The following SPAG16 variants were observed in gnomAD, a reference collection of about 807,000 sequenced individuals.
SPAG16 encodes sperm-associated antigen 16 protein.
SPAG16 carries 86 observed loss-of-function variants against 80.4 expected under a neutral mutation model. That is an observed-to-expected ratio of 1.07 (90% CI 0.90 to 1.28). The LOEUF is 1.28. Ranked by LOEUF, SPAG16 falls within the 50% of genes most tolerant of loss-of-function variation. The pLI is 0.00. For synonymous variants in SPAG16, 294 were observed against 265.9 expected (o/e 1.11, Z -1.03); for missense variants, 870 against 765.3 (o/e 1.14, Z -1.61).
intron 10 of SPAG16, among the ~76,000 whole-genome samples, chr2:213,687,973 C>A (rs1405505617): frequency 6.6e-6 from 1 of 152,136 alleles, no homozygotes; most frequent in Non-Finnish European, 1.5e-5. Flanking sequence ...TCAGGAGGAA[C>A]TGAGGACATG....
intron 15 of SPAG16, among the ~76,000 whole-genome samples, chr2:214,291,567 A>T (rs2125931783): frequency 6.6e-6 from 1 of 151,910 alleles, no homozygotes; most frequent in South Asian, 2.1e-4. Context: ...GGCCTCCCAA[A>T]GTGCTGGGAT....
At chr2:214,340,208 A>G (rs1697576216) in intron 15 of SPAG16, among the ~76,000 whole-genome samples, 1 of 152,162 alleles carries the variant, frequency 6.6e-6, no homozygotes, top group South Asian at 2.1e-4. Flanking sequence ...TTCTTTGACG[A>G]TAGACCCACA....
At chr2:213,532,134 A>G (rs1342050898) in intron 10 of SPAG16, among the ~76,000 whole-genome samples, 4 of 152,188 alleles carry the variant, frequency 2.6e-5, no homozygotes, top group African/African-American at 9.7e-5. Context: ...TTTAGAGGAC[A>G]TTTATGGAGA....
chr2:213,840,485 G>A (rs190063741), intron 10 of SPAG16, among the ~76,000 whole-genome samples: 1 of 152,194 alleles, frequency 6.6e-6, no homozygotes, highest in East Asian at 1.9e-4. Context: ...CAAAATATTT[G>A]TTAAACTTTG....
At chr2:213,804,814 G>A (rs1377876271) in intron 10 of SPAG16, among the ~76,000 whole-genome samples, 1 of 152,216 alleles carries the variant, frequency 6.6e-6, no homozygotes, top group Non-Finnish European at 1.5e-5. Context: ...GGATGTGCCT[G>A]AAAGGAGAGA....
intron 10 of SPAG16, among the ~76,000 whole-genome samples, chr2:213,755,340 T>C (rs931645177): frequency 1.3e-5 from 2 of 152,218 alleles, no homozygotes; most frequent in South Asian, 4.1e-4. Flanking sequence ...TTGACTGATA[T>C]CATGTTATAT....
In SPAG16 at chr2:214,293,141, T is replaced by C. The variant is rs565314122; in HGVS notation, c.1721-116999T>C. 1.7e-3 allele frequency among the ~76,000 whole-genome samples: 265 copies of C among 152,326 alleles called. 2 individuals carry two copies. The highest frequency in any genetic ancestry group is 5.7e-3 in the African/African-American group (238 of 41,564). The stretch of plus-strand genomic sequence containing the variant: ...GCAGGCCAATTCTTGGGCCCCCAGA[T>C]GGCTTTCTCAGATGCCAGTAGTGGC... On this transcript the variant is annotated intron_variant, in intron 15 of 15. Coordinates refer to ENST00000331683, the MANE Select transcript of SPAG16 (RefSeq NM_024532.5).
chr2:213,493,661 C>T (rs1223087832), intron 10 of SPAG16, among the ~76,000 whole-genome samples: 3 of 151,426 alleles, frequency 2.0e-5, no homozygotes, highest in African/African-American at 4.9e-5. Context: ...CTGCAGACTC[C>T]GATTCCCAGG....
At chr2:213,831,955 T>C (rs2125719052) in intron 10 of SPAG16, among the ~76,000 whole-genome samples, 1 of 152,226 alleles carries the variant, frequency 6.6e-6, no homozygotes, top group South Asian at 2.1e-4. Flanking sequence ...CACTGGGCTA[T>C]ATTGCCTCTG....
At chr2:214,185,850 G>T (rs547074622) in intron 15 of SPAG16, among the ~76,000 whole-genome samples, 1 of 152,210 alleles carries the variant, frequency 6.6e-6, no homozygotes, top group African/African-American at 2.4e-5. Context: ...AACAAGATAT[G>T]CCCTTTTAGC....
At chr2:213,866,916 G>A (rs1407167710) in intron 11 of SPAG16, among the ~76,000 whole-genome samples, 1 of 152,058 alleles carries the variant, frequency 6.6e-6, no homozygotes, top group Non-Finnish European at 1.5e-5. Context: ...AAATGAATGT[G>A]GAAATCCTTT....
At chr2:214,164,567 G>T (rs997918498) in intron 15 of SPAG16, among the ~76,000 whole-genome samples, 1 of 152,124 alleles carries the variant, frequency 6.6e-6, no homozygotes, top group South Asian at 2.1e-4. Flanking sequence ...ATTATGGATG[G>T]TCTTGACTGT....
At chr2:213,677,900 G>C (rs1290776989) in intron 10 of SPAG16, among the ~76,000 whole-genome samples, 1 of 152,010 alleles carries the variant, frequency 6.6e-6, no homozygotes, top group East Asian at 1.9e-4. Flanking sequence ...TAAAAGAACA[G>C]AAATTATAAC....
chr2:213,511,206 A>G (rs2075212314), intron 10 of SPAG16, among the ~76,000 whole-genome samples: 1 of 152,130 alleles, frequency 6.6e-6, no homozygotes, highest in Non-Finnish European at 1.5e-5. Context: ...TTGGCAGAAT[A>G]TTTTTATATG....
chr2:213,860,210 C>G (rs902736178), intron 10 of SPAG16, among the ~76,000 whole-genome samples: 1 of 151,854 alleles, frequency 6.6e-6, no homozygotes, highest in Admixed American at 6.6e-5. Context: ...TAATTCAAAA[C>G]CAGGTATTTA....
intron 6 of SPAG16, among the ~76,000 whole-genome samples, chr2:213,349,651 C>T (rs953934579): frequency 6.6e-6 from 1 of 152,084 alleles, no homozygotes; most frequent in South Asian, 2.1e-4. Context: ...CTCAAGTTTT[C>T]ATCAGCAAAA....
At chr2:213,678,169 A>G (rs1448833883) in intron 10 of SPAG16, among the ~76,000 whole-genome samples, 1 of 152,200 alleles carries the variant, frequency 6.6e-6, no homozygotes, top group Non-Finnish European at 1.5e-5. Flanking sequence ...GAAAGCAGGA[A>G]AGATGCAAAA....
At chr2:214,233,449 C>G (rs1171335577) in intron 15 of SPAG16, among the ~76,000 whole-genome samples, 2 of 151,792 alleles carry the variant, frequency 1.3e-5, no homozygotes, top group Non-Finnish European at 2.9e-5. Flanking sequence ...ATCAATAAAA[C>G]TAGGATATTT....
intron 9 of SPAG16, among the ~76,000 whole-genome samples, chr2:213,469,010 C>G (rs2072916717): frequency 6.6e-6 from 1 of 152,044 alleles, no homozygotes. Context: ...TGTGCCCACC[C>G]AGATCAAGGG....
Sources: allele counts gnomAD v4.1 joint callset (sites outside exome capture counted in the v4.1 genomes callset), GRCh38; gene constraint gnomAD v4.1.1; transcripts MANE v1.5; gene names NCBI Gene and HGNC (gene_info 2026-07-23, HGNC 2026-07-21).